FAM13C: variants seen among roughly 807,000 people sequenced by gnomAD.
The protein encoded by FAM13C is protein FAM13C.
A neutral mutation model predicts 73.2 loss-of-function variants in FAM13C; 37 were observed. That is an observed-to-expected ratio of 0.51 (90% CI 0.39 to 0.67). The LOEUF (loss-of-function observed/expected upper bound fraction) is 0.67. FAM13C is among the 30% of genes least tolerant of loss of function. FAM13C has a pLI of 0.00. For missense variants in FAM13C, 589 were observed against 715.6 expected, an observed-to-expected ratio of 0.82 and a Z score of 2.02; for synonymous variants, 246 against 260.9, an observed-to-expected ratio of 0.94 and a Z score of 0.55.
intron 5 of FAM13C, among the ~76,000 whole-genome samples, chr10:59,297,686 A>G (rs560742525): frequency 3.4e-4 from 52 of 152,258 alleles, no homozygotes; most frequent in African/African-American, 1.2e-3. Flanking sequence ...GCAAGTTGCA[A>G]TAAACTTCAA....
At chr10:59,263,959 C>T in intron 9 of FAM13C, 126 bp downstream of exon 9, 2 of 838,440 alleles carry the variant, frequency 2.4e-6, no homozygotes, top group Admixed American at 1.8e-5. Flanking sequence ...AAGGGAGTTA[C>T]AGTCTAAGCA....
intron 4 of FAM13C, among the ~76,000 whole-genome samples, chr10:59,308,669 C>T (rs1848570667): frequency 7.1e-6 from 1 of 139,930 alleles, no homozygotes; most frequent in South Asian, 2.3e-4. Context: ...GTAAAAAATA[C>T]TTCTCAACAG....
intron 3 of FAM13C, among the ~76,000 whole-genome samples, chr10:59,350,878 T>G (rs1854948287): frequency 6.6e-6 from 1 of 152,204 alleles, no homozygotes; most frequent in Non-Finnish European, 1.5e-5. Context: ...CCTCCCACAT[T>G]ATTTTTAAAG....
At chr10:59,297,203 A>G (rs1484848031) in intron 5 of FAM13C, 1 of 152,212 alleles carries the variant, frequency 6.6e-6, no homozygotes, top group Non-Finnish European at 1.5e-5. Flanking sequence ...AGGGAGCACA[A>G]TGCAGTATCA....
intron 13 of FAM13C, among the ~76,000 whole-genome samples, chr10:59,247,954 G>C (rs1840881873): frequency 6.6e-6 from 1 of 152,014 alleles, no homozygotes. Context: ...AATGTCATAA[G>C]TGTTTTGCAA....
chr10:59,297,857 C>T (rs533546785), intron 5 of FAM13C, among the ~76,000 whole-genome samples: 1 of 151,904 alleles, frequency 6.6e-6, no homozygotes, highest in South Asian at 2.1e-4. Context: ...GGAAACATAC[C>T]TGGGGGAGAC....
intron 5 of FAM13C, among the ~76,000 whole-genome samples, chr10:59,297,832 A>G (rs1047789528): frequency 2.6e-5 from 4 of 151,474 alleles, no homozygotes; most frequent in African/African-American, 9.7e-5. Context: ...TCCCACTTAG[A>G]CTCCTTACCA....
rs567433194 is a variant in FAM13C at position 59,277,613 on chromosome 10, G to A, written c.592+5750C>T. 2.6e-4 allele frequency among the ~76,000 whole-genome samples: 39 copies of A among 152,270 alleles called. No individual in the cohort carries two copies. In the South Asian group the frequency reaches 7.9e-3, roughly 31 times the overall value. Reference sequence around the variant, plus strand: ...TTCGATCAGAGGAGGCAAAATTACAGAAACAGAGGGGCTGTAGCAAATAAA... The same window carrying A: ...TTCGATCAGAGGAGGCAAAATTACAAAAACAGAGGGGCTGTAGCAAATAAA... On this transcript the variant is annotated intron_variant, in intron 6 of 13. Coordinates refer to ENST00000618804, the MANE Select transcript of FAM13C (RefSeq NM_198215.4).
At chr10:59,264,301 G>A in intron 8 of FAM13C, 135 bp from the exon 9 acceptor site, 1 of 631,178 alleles carries the variant, frequency 1.6e-6, no homozygotes. Flanking sequence ...TATAAAGCTG[G>A]GAGAGAAATT....
chr10:59,327,729 T>C (rs1056916172), intron 3 of FAM13C: 2 of 152,224 alleles, frequency 1.3e-5, no homozygotes, highest in Non-Finnish European at 1.5e-5. Flanking sequence ...ATAAATAAGA[T>C]ATATTTTTAC....
intron 3 of FAM13C, among the ~76,000 whole-genome samples, chr10:59,344,899 C>T (rs1290996981): frequency 1.3e-5 from 2 of 150,918 alleles, no homozygotes; most frequent in African/African-American, 4.9e-5. Context: ...AATGGAGGCA[C>T]AACAGGTACC....
chr10:59,319,121 T>C (rs866127193), intron 4 of FAM13C, among the ~76,000 whole-genome samples: 2 of 123,830 alleles, frequency 1.6e-5, no homozygotes, highest in African/African-American at 7.1e-5. Context: ...ACACACACAT[T>C]GTCTATCTCA....
intron 3 of FAM13C, among the ~76,000 whole-genome samples, chr10:59,342,088 T>C (rs976901407): frequency 7.2e-5 from 11 of 152,160 alleles, no homozygotes; most frequent in Non-Finnish European, 1.6e-4. Flanking sequence ...CTCATGAAAG[T>C]CAGCCTTCCT....
At chr10:59,297,093 G>C (rs920144965) in intron 5 of FAM13C, 4 of 152,180 alleles carry the variant, frequency 2.6e-5, no homozygotes, top group Non-Finnish European at 4.4e-5. Flanking sequence ...GAAGCATGTG[G>C]GAGTTATTTA....
chr10:59,314,663 C>T (rs558521476), intron 4 of FAM13C, among the ~76,000 whole-genome samples: 1 of 152,226 alleles, frequency 6.6e-6, no homozygotes, highest in Non-Finnish European at 1.5e-5. Context: ...TGCATCTACC[C>T]CTTCTCAATC....
chr10:59,252,742 C>CTGG, intron 12 of FAM13C, 57 bp downstream of exon 12: 1 of 1,552,882 alleles, frequency 6.4e-7, no homozygotes, highest in Non-Finnish European at 8.9e-7. Flanking sequence ...ACTTCATATA[C>CTGG]TGGTATCAGA....
chr10:59,347,378 A>G (rs1352999881), intron 3 of FAM13C, among the ~76,000 whole-genome samples: 2 of 152,152 alleles, frequency 1.3e-5, no homozygotes, highest in Non-Finnish European at 2.9e-5. Flanking sequence ...AAAGTTGCTC[A>G]AACTAAAATT....
chr10:59,324,087 G>T lies in FAM13C; in HGVS notation c.344C>A (p.Ser115Tyr), dbSNP rs747990714. The T allele has an allele frequency of 6.2e-7, 1 of 1,613,864 alleles. No homozygotes were observed. Among genetic ancestry groups the T allele is most frequent in the Non-Finnish European group, 8.5e-7 (1 of 1,179,848 alleles). The change falls in exon 4 of 14, where the codon TCC becomes TAC. Residue 115 changes from serine (S) to tyrosine (Y), a missense_variant. Transcript: ENST00000618804. Reference protein sequence around the residue: ...GESQETEHVVSSQSECQVRAG... With the variant: ...GESQETEHVVYSQSECQVRAG... ...TCTCACCTGACACTCTGACTGGCTG[G>T]ATACCACATGCTCTGTCTCCTGCAA... is the stretch of plus-strand genomic sequence containing the variant.
intron 3 of FAM13C, among the ~76,000 whole-genome samples, chr10:59,331,800 T>G (rs964733398): frequency 2.0e-5 from 3 of 152,150 alleles, no homozygotes; most frequent in Non-Finnish European, 4.4e-5. Flanking sequence ...ACCTGGTGAT[T>G]GACAGGATGT....
Sources: gnomAD v4.1 joint callset for allele counts (sites outside exome capture counted in the v4.1 genomes callset) on GRCh38, gnomAD v4.1.1 for gene constraint, MANE v1.5 for transcripts, NCBI Gene and HGNC (gene_info 2026-07-23, HGNC 2026-07-21) for gene names.